UBE2W: variants seen among roughly 807,000 people sequenced by gnomAD.
UBE2W encodes the protein ubiquitin-conjugating enzyme E2 W.
UBE2W carries 18 observed loss-of-function variants against 27.2 expected under a neutral mutation model. The ratio of observed to expected loss-of-function variants is 0.66; its 90% confidence interval spans 0.46 to 0.98. The LOEUF is 0.98. UBE2W is among the 50% of genes least tolerant of loss of function. The pLI is 0.00. For synonymous variants in UBE2W, 53 were observed against 57.2 expected (o/e 0.93, Z 0.33); for missense variants, 90 against 180.2 (o/e 0.50, Z 2.87).
At position 73,866,290 on chromosome 8, in the gene UBE2W, A is replaced by AAATAT. The variant is rs1248216873; in HGVS notation, c.15+12517_15+12518insATATT. 3.0e-3 allele frequency among the ~76,000 whole-genome samples: 128 copies of AAATAT among 43,066 alleles called. 1 individual carries two copies. The highest frequency in any genetic ancestry group is 3.9e-3 in the Non-Finnish European group (94 of 23,892). The allele number at this position is 43,066 out of a possible 152,430, so 28.3% of individuals were successfully genotyped here. ...GTCTAAAAAAAAAAAAAAAAAAAAA[A>AAATAT]ATATATATATATATATATATATATA... On this transcript the variant is annotated intron_variant, in intron 1 of 5. Coordinates refer to ENST00000602593, the MANE Select transcript of UBE2W (RefSeq NM_018299.6).
intron 5 of UBE2W, among the ~76,000 whole-genome samples, chr8:73,802,954 G>A (rs1320197019): frequency 6.6e-6 from 1 of 152,192 alleles, no homozygotes; most frequent in Non-Finnish European, 1.5e-5. Flanking sequence ...ACCCTGGGAG[G>A]TGGAGCTTGC....
intron 1 of UBE2W, among the ~76,000 whole-genome samples, chr8:73,837,506 C>A (rs563674765): frequency 1.3e-5 from 2 of 151,316 alleles, no homozygotes; most frequent in Middle Eastern, 6.8e-3. Context: ...GAGTGAGACT[C>A]TTGTCTTAAA....
chr8:73,782,083 G>A (rs1294605461), downstream of UBE2W, among the ~76,000 whole-genome samples: 5 of 151,556 alleles, frequency 3.3e-5, no homozygotes, highest in Non-Finnish European at 5.9e-5. Context: ...TGGAACTACA[G>A]GCATGTGCCA....
At chr8:73,784,772 G>A (rs535668498), downstream of UBE2W, among the ~76,000 whole-genome samples, 2 of 152,204 alleles carry the variant, frequency 1.3e-5, no homozygotes, top group Non-Finnish European at 2.9e-5. Context: ...TTCTTGGTGG[G>A]TGGGATGCTG....
intron 3 of UBE2W, among the ~76,000 whole-genome samples, chr8:73,811,416 T>C (rs545184680): frequency 6.6e-6 from 1 of 152,130 alleles, no homozygotes; most frequent in African/African-American, 2.4e-5. Flanking sequence ...CCTAAGCAAA[T>C]AGGCAGGAGA....
intron 3 of UBE2W, among the ~76,000 whole-genome samples, chr8:73,815,273 G>A (rs903012101): frequency 6.6e-6 from 1 of 152,146 alleles, no homozygotes; most frequent in East Asian, 1.9e-4. Context: ...TACTCAGGAA[G>A]CTAAGGTGAG....
intron 1 of UBE2W, among the ~76,000 whole-genome samples, chr8:73,859,903 TCCCCTAAGCA>T (rs1011154469): frequency 1.3e-5 from 2 of 151,852 alleles, no homozygotes; most frequent in African/African-American, 4.8e-5. Flanking sequence ...TACTCCCATC[TCCCCTAAGCA>T]CACACAGTTC....
intron 2 of UBE2W, 47 bp from the exon 3 acceptor site, chr8:73,825,296 G>A: frequency 7.2e-7 from 1 of 1,385,604 alleles, no homozygotes; most frequent in East Asian, 2.5e-5. Context: ...TAGAGACTGG[G>A]GTAAGGAGGA....
intron 3 of UBE2W, 96 bp from the exon 4 acceptor site, chr8:73,810,725 CA>C: frequency 2.1e-6 from 2 of 975,222 alleles, no homozygotes; most frequent in Non-Finnish European, 2.8e-6. Context: ...TATAAAAAAA[CA>C]AAAAACCACC....
In UBE2W at chr8:73,805,454, C is replaced by CAAAAAAAAAAAAA. The variant is rs1162712227; in HGVS notation, c.442+184_442+196dup. ...GGGCAACAAGAGCAAAACTCCATCTCAAAAAAAAAAAAAAAAACAAAAAAA... is the reference window on the plus strand; with the variant it reads ...GGGCAACAAGAGCAAAACTCCATCTCAAAAAAAAAAAAAAAAAAAAAAAAAAAAAACAAAAAAA... On this transcript the variant is annotated intron_variant, in intron 5 of 5. Coordinates refer to ENST00000602593, the MANE Select transcript of UBE2W (RefSeq NM_018299.6). 6.4e-3 allele frequency among the ~76,000 whole-genome samples: 93 copies of CAAAAAAAAAAAAA among 14,568 alleles called. 14 individuals carry two copies. The highest frequency in any genetic ancestry group is 0.011 in the South Asian group (3 of 282). The allele number at this position is 14,568 out of a possible 152,430, so 9.6% of individuals were successfully genotyped here. A position where few individuals can be genotyped will look rare whatever the true frequency, so the allele number is the denominator to read the frequency against.
chr8:73,835,137 C>T (rs1386272443), intron 1 of UBE2W, among the ~76,000 whole-genome samples: 6 of 151,624 alleles, frequency 4.0e-5, no homozygotes, highest in Non-Finnish European at 8.8e-5. Flanking sequence ...AACTACCAAG[C>T]GAAACACAAG....
At chr8:73,855,768 G>C (rs1343965310) in intron 1 of UBE2W, among the ~76,000 whole-genome samples, 1 of 151,954 alleles carries the variant, frequency 6.6e-6, no homozygotes, top group Admixed American at 6.6e-5. Context: ...AGGTATGAAA[G>C]TTTTGTTACC....
downstream of UBE2W, among the ~76,000 whole-genome samples, chr8:73,781,262 TCA>T (rs1316856748): frequency 7.8e-6 from 1 of 127,662 alleles, no homozygotes; most frequent in South Asian, 2.4e-4. Flanking sequence ...ACAATGAGAC[TCA>T]GTCTCAAAAA....
At chr8:73,805,472 C>CAAAAAAAAAAAAACAAAACAAA in intron 5 of UBE2W, among the ~76,000 whole-genome samples, 179 bp downstream of exon 5, 3 of 43,690 alleles carry the variant, frequency 6.9e-5, no homozygotes, top group Non-Finnish European at 9.9e-5. Context: ...AAAAAAAAAA[C>CAAAAAAAAAAAAACAAAACAAA]AAAAAAAACT....
chr8:73,859,042 G>GTCATCCAT (rs1224402089), intron 1 of UBE2W, among the ~76,000 whole-genome samples: 1 of 150,360 alleles, frequency 6.7e-6, no homozygotes. Flanking sequence ...TTTCTTTTTG[G>GTCATCCAT]TGAGAGTCTT....
rs78412885 is a variant in UBE2W at position 73,842,641 on chromosome 8, A to T, written c.16-12169T>A. ...AATAAAGAAAAAGCAAGCCTCAAAA[A>T]TACATGTAATTTGTTAAAATAAAAG... On this transcript the variant is annotated intron_variant, in intron 1 of 5. Coordinates refer to ENST00000602593, the MANE Select transcript of UBE2W (RefSeq NM_018299.6). Among the ~76,000 whole-genome samples the T allele has an allele frequency of 5.1e-4, 78 of 152,098 alleles. 1 individual carries two copies. In the East Asian group the frequency reaches 0.014, roughly 28 times the overall value.
intron 1 of UBE2W, among the ~76,000 whole-genome samples, chr8:73,865,291 C>T (rs1811708074): frequency 6.6e-6 from 1 of 150,872 alleles, no homozygotes; most frequent in African/African-American, 2.5e-5. Flanking sequence ...AATAATGAAG[C>T]CGGACCATAG....
intron 1 of UBE2W, among the ~76,000 whole-genome samples, chr8:73,841,102 C>A (rs1810517117): frequency 6.6e-6 from 1 of 152,048 alleles, no homozygotes; most frequent in Admixed American, 6.6e-5. Flanking sequence ...ATCTAACAAC[C>A]AACTAAAGAT....
Position 73,823,876 on chromosome 8 carries a change from A to G in UBE2W, c.210+1271T>C, listed in dbSNP as rs559866256. ...TAACTGACTTTATCTCTTCTCTTAC[A>G]TAACTAAGAAAAGATTAAGCTGTGT... On this transcript the variant is annotated intron_variant, in intron 3 of 5. Transcript: ENST00000602593. Among the ~76,000 whole-genome samples the G allele has an allele frequency of 7.6e-4, 115 of 152,314 alleles. 1 individual carries two copies. Among genetic ancestry groups the G allele is most frequent in the African/African-American group, 2.7e-3 (114 of 41,572 alleles).
Sources: gnomAD v4.1 joint callset for allele counts (sites outside exome capture counted in the v4.1 genomes callset) on GRCh38, gnomAD v4.1.1 for gene constraint, MANE v1.5 for transcripts, NCBI Gene and HGNC (gene_info 2026-07-23, HGNC 2026-07-21) for gene names.